The following NEK9 variants were observed in gnomAD, a reference collection of about 807,000 sequenced individuals.
NEK9 encodes the protein NIMA related kinase 9, also known as serine/threonine-protein kinase Nek9.
In NEK9, 75 loss-of-function variants were observed where a neutral mutation model predicts 123.4. That is an observed-to-expected ratio of 0.61 (90% confidence interval 0.50 to 0.74). The LOEUF (loss-of-function observed/expected upper bound fraction) is 0.74. NEK9 is among the 30% of genes least tolerant of loss of function. The probability of loss-of-function intolerance (pLI) is 0.00; values close to 1 mark genes in which losing one functional copy is unlikely to be tolerated. For synonymous variants in NEK9, 438 were observed against 458.7 expected (o/e 0.95, Z 0.58); for missense variants, 952 against 1,214.4 (o/e 0.78, Z 3.21).
Position 75,083,307 on chromosome 14 carries a change from T to C in NEK9, c.*1257A>G, listed in dbSNP as rs1428504052. On this transcript the variant is annotated 3_prime_UTR_variant, in exon 22 of 22. Transcript: ENST00000238616. ...CATCAAATACTTGCCTAGAACTTTC[T>C]ATATGAAGTTTTGTTCTTCTATGAC... 1.3e-5 allele frequency: 5 copies of C among 389,220 alleles called. No individual in the cohort carries two copies. Among genetic ancestry groups the C allele is most frequent in the Non-Finnish European group, 1.8e-5 (4 of 220,664 alleles). 24.1% of individuals were successfully genotyped at this position (389,220 alleles called of 1,614,324 possible). A position where few individuals can be genotyped will look rare whatever the true frequency, so the allele number is the denominator to read the frequency against.
intron 7 of NEK9, 70 bp downstream of exon 7, chr14:75,114,133 T>A: frequency 9.4e-7 from 1 of 1,068,210 alleles, no homozygotes; most frequent in South Asian, 1.3e-5. Context: ...TTTATAGCTA[T>A]GCCATACACC....
intron 21 of NEK9, 179 bp from the exon 22 acceptor site, chr14:75,084,865 A>G: frequency 3.0e-6 from 2 of 665,038 alleles, no homozygotes; most frequent in Non-Finnish European, 4.9e-6. Flanking sequence ...ATACCTTTAT[A>G]TTTACTGCAG....
In NEK9 at chr14:75,091,359, C is replaced by G; in HGVS notation, c.2353G>C (p.Asp785His). 2 of 1,614,136 alleles carry G rather than the reference C, an allele frequency of 1.2e-6. No individual in the cohort carries two copies. Among genetic ancestry groups the G allele is most frequent in the South Asian group, 2.2e-5 (2 of 91,058 alleles). Residue 785 changes from aspartate to histidine, a missense_variant, in exon 19 of 22, where the codon GAC (aspartate) becomes CAC (histidine). Coordinates refer to ENST00000238616, the MANE Select transcript of NEK9 (RefSeq NM_033116.6). ...SGGFRGTMEA[D>H]RGMEGLISPT... ...CTGATTAAACCTTCCATTCCTCGGT[C>G]TGCTTCCATTGTTCCTCGGAAGCCT... is the stretch of plus-strand genomic sequence containing the variant.
Position 75,126,815 on chromosome 14 carries a change from T to A in NEK9, c.107A>T (p.Gln36Leu). The A allele has an allele frequency of 6.5e-7, 1 of 1,533,108 alleles. No individual in the cohort carries two copies. The highest frequency in any genetic ancestry group is 1.2e-5 in the South Asian group (1 of 81,990). The allele number at this position is 1,533,108 out of a possible 1,614,324, so 95.0% of individuals were successfully genotyped here. ...CGCGCCGCCGCCGGCTCGCGGCCCC[T>A]GACTGGCGCTAGGCCCCGGACTCGA... The part of the protein sequence containing the change: ...GDSSPGPSAS[Q>L]GPRAGGGAAE... The change falls in exon 1 of 22, where the codon CAG becomes CTG. Residue 36 changes from glutamine to leucine, a missense_variant. This residue lies in a region of NEK9 where 120 missense variants were observed against 97.6 expected (regional missense o/e 1.23). Coordinates refer to ENST00000238616, the MANE Select transcript of NEK9 (RefSeq NM_033116.6).
At chr14:75,111,435 T>C (rs1894954999) in intron 8 of NEK9, among the ~76,000 whole-genome samples, 1 of 152,214 alleles carries the variant, frequency 6.6e-6, no homozygotes. Context: ...ACTTCCTGTG[T>C]CTATGATTTT....
intron 2 of NEK9, among the ~76,000 whole-genome samples, chr14:75,122,542 G>C (rs570042045): frequency 3.3e-5 from 5 of 151,666 alleles, no homozygotes; most frequent in African/African-American, 1.2e-4. Context: ...ATGGAGTCTC[G>C]CTCTGTCACC....
chr14:75,114,371 A>G, intron 6 of NEK9, 58 bp from the exon 7 acceptor site: 1 of 1,315,252 alleles, frequency 7.6e-7, no homozygotes. Context: ...GCTATACTCT[A>G]CTGGTAGGGG....
rs1335003943 is a variant in NEK9, at chr14:75,113,422, G to A, written c.874-19C>T. On this transcript the variant is annotated intron_variant, in intron 7 of 21. Transcript: ENST00000238616. ...CAGGATCCTAAAAAGTAAAAATAGG[G>A]TTAGTTTTCACTTAATGGAAATGGG... 6 of 1,596,506 alleles carry A rather than the reference G, an allele frequency of 3.8e-6. No individual in the cohort carries two copies. Among genetic ancestry groups the A allele is most frequent in the Non-Finnish European group, 4.3e-6 (5 of 1,165,478 alleles).
chr14:75,111,872 C>G (rs1894969254), intron 8 of NEK9, among the ~76,000 whole-genome samples: 1 of 152,002 alleles, frequency 6.6e-6, no homozygotes, highest in Non-Finnish European at 1.5e-5. Context: ...GCCTGGGCAA[C>G]AGAGTGAGAC....
intron 18 of NEK9, 63 bp downstream of exon 18, chr14:75,095,309 T>G: frequency 8.5e-7 from 1 of 1,178,300 alleles, no homozygotes; most frequent in East Asian, 2.3e-5. Flanking sequence ...GGAGTCTACA[T>G]GGAATCTAAC....
At chr14:75,120,410 G>T in intron 4 of NEK9, 100 bp downstream of exon 4, 1 of 727,084 alleles carries the variant, frequency 1.4e-6, no homozygotes, top group Non-Finnish European at 2.3e-6. Flanking sequence ...AAAACTCTTG[G>T]CTGCTTAACC....
At chr14:75,107,673 G>A (rs1012823081) in intron 10 of NEK9, among the ~76,000 whole-genome samples, 186 bp from the exon 11 acceptor site, 7 of 151,930 alleles carry the variant, frequency 4.6e-5, no homozygotes, top group African/African-American at 1.7e-4. Flanking sequence ...CCGGCTGAGA[G>A]GTCTTATGAA....
chr14:75,091,400 G>GT lies in NEK9; in HGVS notation c.2311dup (p.Thr771AsnfsTer3). ...TCGGAAGCCTCCACTTGGGTCAGGA[G>GT]TTTCAGATTCCTGCTGACTGTCCTC... is the stretch of plus-strand genomic sequence containing the variant. On this transcript the variant is annotated frameshift_variant, in exon 19 of 22. Coordinates refer to ENST00000238616, the MANE Select transcript of NEK9 (RefSeq NM_033116.6). LOFTEE classifies it high-confidence loss of function. 1 of 1,613,722 alleles carries GT rather than the reference G, an allele frequency of 6.2e-7. No homozygotes were observed. Among genetic ancestry groups the GT allele is most frequent in the Non-Finnish European group, 8.5e-7 (1 of 1,179,956 alleles).
rs781514963 is a variant in NEK9, at chr14:75,106,647, G to C, written c.1383C>G (p.Asp461Glu). 9.3e-6 allele frequency: 15 copies of C among 1,614,052 alleles called. No individual in the cohort carries two copies. Among genetic ancestry groups the C allele is most frequent in the Non-Finnish European group, 1.1e-5 (13 of 1,180,024 alleles). ...GSDYYGCMGV[D>E]KVAGPEVLEP... Reference sequence around the variant, plus strand: ...CTAGCACTTCAGGGCCAGCAACTTTGTCCACCCCCATGCAGCCATAATAAT... The same window carrying C: ...CTAGCACTTCAGGGCCAGCAACTTTCTCCACCCCCATGCAGCCATAATAAT... Residue 461 changes from aspartate to glutamate, a missense_variant, in exon 12 of 22, where the codon GAC (aspartate) becomes GAG (glutamate). Asp to Glu is a conservative substitution (Grantham distance 45, BLOSUM62 2). Transcript: ENST00000238616.
At chr14:75,126,646 G>C in intron 1 of NEK9, 57 bp downstream of exon 1, 1 of 1,307,286 alleles carries the variant, frequency 7.6e-7, no homozygotes, top group Non-Finnish European at 1.0e-6. Context: ...CCGAGAAGGA[G>C]GGACTCGGGG....
intron 14 of NEK9, among the ~76,000 whole-genome samples, chr14:75,102,644 G>A (rs1023670004): frequency 2.0e-4 from 30 of 152,166 alleles, no homozygotes; most frequent in African/African-American, 6.5e-4. Flanking sequence ...GAGCCACCGT[G>A]CCCGGCAACT....
intron 6 of NEK9, 80 bp from the exon 7 acceptor site, chr14:75,114,393 C>A: frequency 9.3e-7 from 1 of 1,070,756 alleles, no homozygotes; most frequent in Non-Finnish European, 1.4e-6. Context: ...TCTCAGGTGT[C>A]TGTGACCATT....
chr14:75,126,950 C>G lies in NEK9; in HGVS notation c.-29G>C. The G allele has an allele frequency of 7.0e-7, 1 of 1,420,768 alleles. No homozygotes were observed. The highest frequency in any genetic ancestry group is 1.5e-5 in the African/African-American group (1 of 66,700). 88.0% of individuals were successfully genotyped at this position (1,420,768 alleles called of 1,614,324 possible). On this transcript the variant is annotated 5_prime_UTR_variant, in exon 1 of 22. Coordinates refer to ENST00000238616, the MANE Select transcript of NEK9 (RefSeq NM_033116.6). The stretch of plus-strand genomic sequence containing the variant: ...GGCGGCCGCGGGCCTTGGGGACCAG[C>G]CTGCGTATGCCCGGAGGCCCTGGCC...
In NEK9 at chr14:75,081,727, C is replaced by T. The variant is rs1483296886; in HGVS notation, c.*2837G>A. ...CTTGGCTGTGCTATGCCAGGGAGACCAAATTCAGTTCAATCTCTTTGAAGG... is the reference window on the plus strand; with the variant it reads ...CTTGGCTGTGCTATGCCAGGGAGACTAAATTCAGTTCAATCTCTTTGAAGG... On this transcript the variant is annotated 3_prime_UTR_variant, in exon 22 of 22. Coordinates refer to ENST00000238616, the MANE Select transcript of NEK9 (RefSeq NM_033116.6). This position sits in a 1 kb window ranked among gnomAD's most constrained non-coding sequence, Gnocchi z 4.2. 2 of 152,090 alleles carry T rather than the reference C, an allele frequency of 1.3e-5. No homozygotes were observed. The highest frequency in any genetic ancestry group is 2.9e-5 in the Non-Finnish European group (2 of 68,006). The allele number at this position is 152,090 out of a possible 1,614,324, so 9.4% of individuals were successfully genotyped here. A position where few individuals can be genotyped will look rare whatever the true frequency, so the allele number is the denominator to read the frequency against.
Sources: allele counts gnomAD v4.1 joint callset (sites outside exome capture counted in the v4.1 genomes callset), GRCh38; gene constraint gnomAD v4.1.1; regional missense constraint gnomAD v4.1.1; non-coding constraint Gnocchi (gnomAD v3.1); transcripts MANE v1.5; gene names NCBI Gene and HGNC (gene_info 2026-07-23, HGNC 2026-07-21).